Variants in MBD5 observed in about 807,000 individuals in gnomAD.
MBD5 encodes methyl-CpG-binding domain protein 5.
MBD5 carries 13 observed loss-of-function variants against 117.3 expected under a neutral mutation model. That is an observed-to-expected ratio of 0.11 (90% CI 0.07 to 0.18). The LOEUF (loss-of-function observed/expected upper bound fraction) is 0.18, where lower values mean the gene tolerates loss of function less well. Ranked by LOEUF, MBD5 falls within the 10% of genes least tolerant of loss-of-function variation. The pLI, the probability that MBD5 is intolerant of heterozygous loss-of-function variation, is 1.00. For missense variants in MBD5, 1,879 were observed against 2,093.8 expected, an observed-to-expected ratio of 0.90 and a Z score of 2.00; for synonymous variants, 727 against 766.4, an observed-to-expected ratio of 0.95 and a Z score of 0.85.
Position 148,468,853 on chromosome 2 carries a change from A to T in MBD5, c.910A>T (p.Thr304Ser), listed in dbSNP as rs1267922174. Residue 304 changes from threonine to serine, a missense_variant, in exon 8 of 14, where the codon ACT becomes TCT. This residue lies in a region of MBD5 where 1,666 missense variants were observed against 1,792.2 expected (regional missense o/e 0.93). Coordinates refer to ENST00000642680, the MANE Select transcript of MBD5 (RefSeq NM_001378120.1). ...TAATATACCTCTTTCCCCAACCTTG[A>T]CTACAAAGAGTCCAGTAATGAAAAA... is the stretch of plus-strand genomic sequence containing the variant. ...RTNIPLSPTL[T>S]TKSPVMKKPM... 6.2e-7 allele frequency: 1 copy of T among 1,613,932 alleles called. No homozygotes were observed. The highest frequency in any genetic ancestry group is 8.5e-7 in the Non-Finnish European group (1 of 1,179,912).
At chr2:148,252,722 G>C (rs929665888) in intron 3 of MBD5, among the ~76,000 whole-genome samples, 5 of 152,012 alleles carry the variant, frequency 3.3e-5, no homozygotes, top group Admixed American at 1.3e-4. Flanking sequence ...GCTAATTTTT[G>C]TATTTTTTGT....
At chr2:148,238,052 A>G (rs1304792058) in intron 3 of MBD5, among the ~76,000 whole-genome samples, 1 of 152,228 alleles carries the variant, frequency 6.6e-6, no homozygotes, top group Non-Finnish European at 1.5e-5. Context: ...TGACATAGTT[A>G]TCCCACTCTG....
intron 1 of MBD5, among the ~76,000 whole-genome samples, chr2:148,088,775 A>G (rs1695862441): frequency 6.6e-6 from 1 of 152,208 alleles, no homozygotes; most frequent in Admixed American, 6.5e-5. Flanking sequence ...TAAATCTCAC[A>G]GAACCTATAA....
chr2:148,157,196 G>T (rs981250305), intron 1 of MBD5, among the ~76,000 whole-genome samples: 3 of 151,806 alleles, frequency 2.0e-5, no homozygotes, highest in Admixed American at 1.3e-4. Context: ...GTGCAGGTTT[G>T]TTACATAGGT....
chr2:148,206,882 A>G (rs4246607), intron 2 of MBD5, among the ~76,000 whole-genome samples: 95,736 of 151,580 alleles, frequency 0.63, 31,738 homozygotes, highest in East Asian at 0.79. Flanking sequence ...ATAGCATGGC[A>G]TCAATAATTG....
chr2:148,409,316 A>T (rs1293278912), intron 4 of MBD5, among the ~76,000 whole-genome samples: 2 of 151,742 alleles, frequency 1.3e-5, no homozygotes, highest in East Asian at 3.9e-4. Context: ...TGAGCCCAGG[A>T]GGTAGAGGAT....
At chr2:148,075,105 G>A (rs1238118015) in intron 1 of MBD5, among the ~76,000 whole-genome samples, 1 of 152,132 alleles carries the variant, frequency 6.6e-6, no homozygotes. Flanking sequence ...AGAGATTATT[G>A]GAAAGATGGC....
At chr2:148,065,660 G>A (rs890695950) in intron 1 of MBD5, among the ~76,000 whole-genome samples, 4 of 152,190 alleles carry the variant, frequency 2.6e-5, no homozygotes, top group Admixed American at 2.6e-4. Context: ...GTTAATGACT[G>A]CCTATCAGGT....
At position 148,181,930 on chromosome 2, in the gene MBD5, C is replaced by G. The variant is rs1424366847; in HGVS notation, c.-831+3137C>G. Reference sequence around the variant, plus strand: ...TGTCCTAACTATATTGCTAAACCCTCTTATTCTTAACAGATTGTTCTTTTT... The same window carrying G: ...TGTCCTAACTATATTGCTAAACCCTGTTATTCTTAACAGATTGTTCTTTTT... On this transcript the variant is annotated intron_variant, in intron 2 of 13. Transcript: ENST00000642680. 2.0e-5 allele frequency among the ~76,000 whole-genome samples: 3 copies of G among 152,060 alleles called. No homozygotes were observed. The East Asian group carries it at 5.8e-4, about 29-fold the overall frequency.
At position 148,470,333 on chromosome 2, in the gene MBD5, G is replaced by T. The variant is rs1187810931; in HGVS notation, c.2390G>T (p.Ser797Ile). The T allele has an allele frequency of 3.7e-6, 6 of 1,613,922 alleles. No individual in the cohort carries two copies. Among genetic ancestry groups the T allele is most frequent in the Non-Finnish European group, 5.1e-6 (6 of 1,179,894 alleles). Residue 797 changes from serine (S) to isoleucine (I), a missense_variant, in exon 8 of 14, where the codon AGT becomes ATT. By Grantham distance (142) the Ser-to-Ile change is moderately radical (BLOSUM62 -2). Around this residue, in one of 4 missense-constraint regions of MBD5, gnomAD observed 1,666 missense variants for 1,792.2 expected, o/e 0.93. Coordinates refer to ENST00000642680, the MANE Select transcript of MBD5 (RefSeq NM_001378120.1). ...GCTAGCGGGAACTGTGGGATGCTCA[G>T]TCAGTCGGGCATGGCTTTAGGAAAT... is the stretch of plus-strand genomic sequence containing the variant. Reference protein sequence around the residue: ...IQASGNCGMLSQSGMALGNSL... With the variant: ...IQASGNCGMLIQSGMALGNSL...
At chr2:148,436,112 G>T (rs1430027811) in intron 4 of MBD5, among the ~76,000 whole-genome samples, 1 of 152,150 alleles carries the variant, frequency 6.6e-6, no homozygotes, top group Non-Finnish European at 1.5e-5. Flanking sequence ...TGTTTATAGG[G>T]TGTCATGGAT....
At chr2:148,325,852 C>A (rs927064458) in intron 3 of MBD5, among the ~76,000 whole-genome samples, 1 of 152,080 alleles carries the variant, frequency 6.6e-6, no homozygotes, top group East Asian at 1.9e-4. Flanking sequence ...CTGCTCTGAT[C>A]TTAGTTACTT....
intron 4 of MBD5, among the ~76,000 whole-genome samples, chr2:148,448,908 T>C (rs564475894): frequency 6.6e-6 from 1 of 152,156 alleles, no homozygotes; most frequent in South Asian, 2.1e-4. Flanking sequence ...TTAAATTGGT[T>C]ATGTAAATGC....
At chr2:148,132,451 G>A (rs899485966) in intron 1 of MBD5, among the ~76,000 whole-genome samples, 1 of 151,370 alleles carries the variant, frequency 6.6e-6, no homozygotes, top group African/African-American at 2.4e-5. Flanking sequence ...TGAATCTTAA[G>A]TGAAGTACGT....
intron 1 of MBD5, among the ~76,000 whole-genome samples, chr2:148,127,394 A>G (rs189606947): frequency 5.1e-4 from 78 of 152,244 alleles, no homozygotes; most frequent in Admixed American, 1.9e-3. Context: ...CTCTCCCCGC[A>G]GCTCATGACA....
intron 4 of MBD5, among the ~76,000 whole-genome samples, chr2:148,387,279 A>T (rs537488503): frequency 6.6e-6 from 1 of 152,170 alleles, no homozygotes; most frequent in African/African-American, 2.4e-5. Flanking sequence ...ATTATTTAGC[A>T]TATTAACAGA....
chr2:148,361,152 C>A (rs1040507521), intron 4 of MBD5, among the ~76,000 whole-genome samples: 1 of 152,098 alleles, frequency 6.6e-6, no homozygotes, highest in Non-Finnish European at 1.5e-5. Flanking sequence ...TCAAAACCAG[C>A]CAGCCTGGCC....
chr2:148,458,265 A>T lies in MBD5; in HGVS notation c.-494A>T, dbSNP rs1200758892. On this transcript the variant is annotated 5_prime_UTR_variant, in exon 5 of 14. Coordinates refer to ENST00000642680, the MANE Select transcript of MBD5 (RefSeq NM_001378120.1). ...GATGAACCAACCTGCAACACCTTGGATTCAGATTGGAAGATAAAGAGAAAG... is the reference window on the plus strand; with the variant it reads ...GATGAACCAACCTGCAACACCTTGGTTTCAGATTGGAAGATAAAGAGAAAG... The T allele has an allele frequency of 7.4e-6, 3 of 404,938 alleles. No individual in the cohort carries two copies. The highest frequency in any genetic ancestry group is 1.3e-5 in the Non-Finnish European group (3 of 229,442). The allele number at this position is 404,938 out of a possible 1,614,324, so 25.1% of individuals were successfully genotyped here.
In MBD5 at chr2:148,502,461, T is replaced by G; in HGVS notation, c.4988T>G (p.Leu1663Arg). ...GKVEPEKLKT[L>R]TEGLEAYSRV... ...GTGGAGCCCGAGAAGTTGAAGACAC[T>G]AACAGAAGGTTTGGAAGCCTACAGC... The change falls in exon 12 of 14, where the codon CTA becomes CGA. Residue 1663 changes from leucine (L) to arginine (R), a missense_variant. This residue lies in a region of MBD5 where 135 missense variants were observed against 148.0 expected (regional missense o/e 0.91). Transcript: ENST00000642680. 6.2e-7 allele frequency: 1 copy of G among 1,614,188 alleles called. No individual in the cohort carries two copies. Among genetic ancestry groups the G allele is most frequent in the Non-Finnish European group, 8.5e-7 (1 of 1,180,014 alleles).
Sources: gnomAD v4.1 joint callset for allele counts (sites outside exome capture counted in the v4.1 genomes callset) on GRCh38, gnomAD v4.1.1 for gene constraint, gnomAD v4.1.1 regional missense constraint, MANE v1.5 for transcripts, NCBI Gene and HGNC (gene_info 2026-07-23, HGNC 2026-07-21) for gene names.